IL10RA: variants seen among roughly 807,000 people sequenced by gnomAD.
IL10RA encodes the protein interleukin 10 receptor subunit alpha.
IL10RA carries 18 observed loss-of-function variants against 29.6 expected under a neutral mutation model. The observed-to-expected ratio is 0.61, with a 90% CI of 0.42 to 0.90. The LOEUF (loss-of-function observed/expected upper bound fraction) is 0.90, where lower values mean the gene tolerates loss of function less well. Ranked by LOEUF, IL10RA falls within the 40% of genes least tolerant of loss-of-function variation. The probability of loss-of-function intolerance (pLI) is 0.00; values close to 1 mark genes in which losing one functional copy is unlikely to be tolerated. For synonymous variants in IL10RA, 292 were observed against 294.1 expected (o/e 0.99, Z 0.07); for missense variants, 634 against 716.6 (o/e 0.88, Z 1.32).
At chr11:117,996,273 A>G (rs1040650368) in intron 6 of IL10RA, among the ~76,000 whole-genome samples, 1 of 151,134 alleles carries the variant, frequency 6.6e-6, no homozygotes, top group African/African-American at 2.4e-5. Context: ...ATGCTGCGCC[A>G]CTGGAGAGGG....
chr11:118,002,965 C>T (rs549718061), downstream of IL10RA: 5 of 152,312 alleles, frequency 3.3e-5, no homozygotes, highest in African/African-American at 9.6e-5. Context: ...CCTCTTAGTA[C>T]AGAGAGGGGG....
chr11:117,992,982 G>T (rs2134987634), intron 3 of IL10RA: 12 of 503,362 alleles, frequency 2.4e-5, no homozygotes, highest in South Asian at 2.4e-4. Context: ...TGGCCCCTTT[G>T]TTGAAAATCA....
Position 118,000,581 on chromosome 11 carries a change from A to G in IL10RA, c.*940A>G. ...GAGGCCTGTGCTTGTGTTTGCTGCTAATGTCCAGCTACAGACCCAGAGGAT... is the reference window on the plus strand; with the variant it reads ...GAGGCCTGTGCTTGTGTTTGCTGCTGATGTCCAGCTACAGACCCAGAGGAT... On this transcript the variant is annotated 3_prime_UTR_variant, in exon 7 of 7. Coordinates refer to ENST00000227752, the MANE Select transcript of IL10RA (RefSeq NM_001558.4). The G allele has an allele frequency of 2.2e-6, 1 of 454,220 alleles. No individual in the cohort carries two copies. The highest frequency in any genetic ancestry group is 4.4e-6 in the Non-Finnish European group (1 of 226,788). 28.1% of individuals were successfully genotyped at this position (454,220 alleles called of 1,614,324 possible).
chr11:117,997,406 T>G (rs1196662899), intron 6 of IL10RA, among the ~76,000 whole-genome samples: 1 of 152,202 alleles, frequency 6.6e-6, no homozygotes, highest in African/African-American at 2.4e-5. Flanking sequence ...GGTAAGTAAT[T>G]TGGTCAGGGT....
intron 3 of IL10RA, among the ~76,000 whole-genome samples, chr11:117,991,711 A>G (rs2058023315): frequency 6.6e-6 from 1 of 152,134 alleles, no homozygotes; most frequent in Non-Finnish European, 1.5e-5. Context: ...CTCTAGGTCC[A>G]TCTGTGTTGT....
At position 117,999,883 on chromosome 11, in the gene IL10RA, C is replaced by A; in HGVS notation, c.*242C>A. The A allele has an allele frequency of 1.5e-6, 1 of 673,892 alleles. No individual in the cohort carries two copies. Among genetic ancestry groups the A allele is most frequent in the East Asian group, 2.9e-5 (1 of 35,026 alleles). The allele number at this position is 673,892 out of a possible 1,614,324, so 41.7% of individuals were successfully genotyped here. A position where few individuals can be genotyped will look rare whatever the true frequency, so the allele number is the denominator to read the frequency against. On this transcript the variant is annotated 3_prime_UTR_variant, in exon 7 of 7. Coordinates refer to ENST00000227752, the MANE Select transcript of IL10RA (RefSeq NM_001558.4). Reference sequence around the variant, plus strand: ...CTGACCTGTTCTGTTGACTGGGGCCCTGCAGACTCTGGCAGAGCTGAGAAG... The same window carrying A: ...CTGACCTGTTCTGTTGACTGGGGCCATGCAGACTCTGGCAGAGCTGAGAAG...
At chr11:117,986,686 T>C in intron 1 of IL10RA, 152 bp downstream of exon 1, 1 of 1,535,262 alleles carries the variant, frequency 6.5e-7, no homozygotes, top group Non-Finnish European at 8.7e-7. Context: ...GATCTCAGGC[T>C]CACCTGTTGT....
chr11:117,991,818 T>C (rs1462366032), intron 3 of IL10RA, among the ~76,000 whole-genome samples: 1 of 152,162 alleles, frequency 6.6e-6, no homozygotes, highest in Non-Finnish European at 1.5e-5. Flanking sequence ...CACTTCAACC[T>C]CCGCCTCCCG....
chr11:117,994,351 A>G (rs2058042930), intron 5 of IL10RA: 1 of 579,400 alleles, frequency 1.7e-6, no homozygotes, highest in Non-Finnish European at 3.1e-6. Context: ...GCAACTTCCT[A>G]GGGTTGCACA....
At chr11:117,987,024 A>C (rs1249424904) in intron 1 of IL10RA, 6 of 399,444 alleles carry the variant, frequency 1.5e-5, no homozygotes, top group Non-Finnish European at 3.0e-5. Context: ...ACTCACTCCC[A>C]CTGCCCCCTG....
At chr11:117,991,185 G>A (rs760719769) in intron 3 of IL10RA, among the ~76,000 whole-genome samples, 2 of 151,986 alleles carry the variant, frequency 1.3e-5, no homozygotes, top group Admixed American at 6.6e-5. Flanking sequence ...GTGACAGAGC[G>A]AGACTCTGTC....
Position 117,999,291 on chromosome 11 carries a change from C to T in IL10RA, c.1387C>T (p.Leu463=). 1 of 1,614,232 alleles carries T rather than the reference C, an allele frequency of 6.2e-7. No homozygotes were observed. Among genetic ancestry groups the T allele is most frequent in the South Asian group, 1.1e-5 (1 of 91,088 alleles). Residue 463 remains leucine, a synonymous_variant, in exon 7 of 7, where the codon CTG becomes TTG. Transcript: ENST00000227752. ...AEEKATKTGC[L]EEESPLTDGL... ...AGAGAAGGCAACCAAGACAGGCTGCCTGGAGGAAGAATCGCCCTTGACAGA... is the reference window on the plus strand; with the variant it reads ...AGAGAAGGCAACCAAGACAGGCTGCTTGGAGGAAGAATCGCCCTTGACAGA...
chr11:117,999,614 C>A lies in IL10RA; in HGVS notation c.1710C>A (p.Leu570=), dbSNP rs1427817871. ...SFNSDLVTLP[L]ISSLQSSE is the part of the protein sequence containing the mutation. ...ACTCAGACCTGGTCACCCTGCCCCTCATCTCTAGCCTGCAGTCAAGTGAGT... is the reference window on the plus strand; with the variant it reads ...ACTCAGACCTGGTCACCCTGCCCCTAATCTCTAGCCTGCAGTCAAGTGAGT... The change falls in exon 7 of 7, where the codon CTC becomes CTA. Residue 570 remains leucine, a synonymous_variant. Transcript: ENST00000227752. 6.2e-7 allele frequency: 1 copy of A among 1,614,030 alleles called. No individual in the cohort carries two copies. Among genetic ancestry groups the A allele is most frequent in the Non-Finnish European group, 8.5e-7 (1 of 1,180,000 alleles).
At chr11:117,991,503 C>A (rs2058022032) in intron 3 of IL10RA, among the ~76,000 whole-genome samples, 1 of 152,166 alleles carries the variant, frequency 6.6e-6, no homozygotes. Context: ...CTTATTCCTC[C>A]TGTCTCACTG....
At chr11:117,991,789 C>T (rs2058023739) in intron 3 of IL10RA, among the ~76,000 whole-genome samples, 1 of 152,252 alleles carries the variant, frequency 6.6e-6, no homozygotes, top group South Asian at 2.1e-4. Context: ...GGCTGCAGTG[C>T]AATGTCTTGA....
At chr11:117,991,481 T>C (rs1211052812) in intron 3 of IL10RA, among the ~76,000 whole-genome samples, 1 of 152,186 alleles carries the variant, frequency 6.6e-6, no homozygotes, top group East Asian at 1.9e-4. Context: ...TGCCGTGCAA[T>C]AGGCACCAGA....
chr11:117,993,216 T>C (rs1565371903), intron 3 of IL10RA, 25 bp from the exon 4 acceptor site: 7 of 1,610,864 alleles, frequency 4.3e-6, no homozygotes, highest in Non-Finnish European at 5.1e-6. Context: ...CTCATGGTAT[T>C]CCCCCCCACC....
chr11:117,987,702 T>G (rs1009107654), intron 1 of IL10RA: 1 of 158,482 alleles, frequency 6.3e-6, no homozygotes, highest in African/African-American at 2.4e-5. Flanking sequence ...GAGCTAGGAA[T>G]TGGTATTGAG....
downstream of IL10RA, chr11:118,002,123 CTA>C (rs1206255731): frequency 6.6e-6 from 1 of 152,620 alleles, no homozygotes; most frequent in Non-Finnish European, 1.5e-5. Flanking sequence ...CATCTGCACT[CTA>C]TTCTAGAAGC....
Sources: gnomAD v4.1 joint callset for allele counts (sites outside exome capture counted in the v4.1 genomes callset) on GRCh38, gnomAD v4.1.1 for gene constraint, MANE v1.5 for transcripts, NCBI Gene and HGNC (gene_info 2026-07-23, HGNC 2026-07-21) for gene names.